The following CADPS2 variants were observed in gnomAD, a reference collection of about 807,000 sequenced individuals.
CADPS2 encodes calcium dependent secretion activator 2, also known as calcium-dependent secretion activator 2.
A neutral mutation model predicts 172.5 loss-of-function variants in CADPS2; 93 were observed. That is an observed-to-expected ratio of 0.54 (90% CI 0.46 to 0.64). The LOEUF (loss-of-function observed/expected upper bound fraction) is 0.64. Among genes scored for constraint, CADPS2 ranks in the 30% least tolerant of loss-of-function variants. The probability of loss-of-function intolerance (pLI) is 0.00; values close to 1 mark genes in which losing one functional copy is unlikely to be tolerated. For missense variants in CADPS2, 1,420 were observed against 1,565.9 expected, an observed-to-expected ratio of 0.91 and a Z score of 1.57; for synonymous variants, 546 against 555.2, an observed-to-expected ratio of 0.98 and a Z score of 0.23.
intron 1 of CADPS2, among the ~76,000 whole-genome samples, chr7:122,795,769 A>C (rs577472808): frequency 2.0e-4 from 31 of 152,268 alleles, no homozygotes; most frequent in Admixed American, 7.2e-4. Context: ...AATGGGCAAA[A>C]GCTGGAAGCA....
chr7:122,664,519 T>A (rs901266565), intron 2 of CADPS2, among the ~76,000 whole-genome samples: 1 of 152,162 alleles, frequency 6.6e-6, no homozygotes, highest in Non-Finnish European at 1.5e-5. Flanking sequence ...AAGGTCATAT[T>A]TGGGAAGAGA....
At chr7:122,751,606 C>T (rs1365392780) in intron 1 of CADPS2, among the ~76,000 whole-genome samples, 1 of 152,110 alleles carries the variant, frequency 6.6e-6, no homozygotes, top group African/African-American at 2.4e-5. Context: ...TTCAAACAAA[C>T]ATGAAAAGGG....
chr7:122,346,928 G>T (rs914489856), intron 27 of CADPS2, among the ~76,000 whole-genome samples: 1 of 152,140 alleles, frequency 6.6e-6, no homozygotes, highest in Admixed American at 6.5e-5. Context: ...TTGAGTTGTT[G>T]ATTAGAGTAT....
chr7:122,747,613 G>GT (rs1048195846), intron 1 of CADPS2, among the ~76,000 whole-genome samples: 2 of 152,178 alleles, frequency 1.3e-5, no homozygotes, highest in African/African-American at 2.4e-5. Context: ...TGGGTTCAAT[G>GT]TTTTTTTCCA....
rs550040037 is a variant in CADPS2, at chr7:122,392,464, T to C, written c.3008+732A>G. On this transcript the variant is annotated intron_variant, in intron 22 of 29. Coordinates refer to ENST00000449022, the MANE Select transcript of CADPS2 (RefSeq NM_017954.11). Reference sequence around the variant, plus strand: ...ATTGTTTTAGAGTTGAGGAAAAAACTCAGGCTAAGAAGGATTTACAATTAA... The same window carrying C: ...ATTGTTTTAGAGTTGAGGAAAAAACCCAGGCTAAGAAGGATTTACAATTAA... Among the ~76,000 whole-genome samples, 4 of 152,048 alleles carry C rather than the reference T, an allele frequency of 2.6e-5. No individual in the cohort carries two copies. In the South Asian group the frequency reaches 8.3e-4, roughly 32 times the overall value.
intron 14 of CADPS2, among the ~76,000 whole-genome samples, chr7:122,455,549 T>A (rs191974219): frequency 5.3e-5 from 8 of 152,162 alleles, no homozygotes; most frequent in African/African-American, 1.9e-4. Flanking sequence ...GATGGCATAT[T>A]GTTGATATTT....
chr7:122,720,139 C>A (rs528190061), intron 2 of CADPS2, among the ~76,000 whole-genome samples: 1 of 151,916 alleles, frequency 6.6e-6, no homozygotes, highest in Non-Finnish European at 1.5e-5. Flanking sequence ...ACCAATAGAA[C>A]GTCATACTAA....
intron 1 of CADPS2, among the ~76,000 whole-genome samples, chr7:122,873,106 C>T (rs1820213734): frequency 6.6e-6 from 1 of 152,120 alleles, no homozygotes; most frequent in Admixed American, 6.6e-5. Flanking sequence ...GAAAGTAAAA[C>T]CCACCTACTG....
At position 122,552,775 on chromosome 7, in the gene CADPS2, GTT is replaced by G. The variant is rs61517518; in HGVS notation, c.1475+1773_1475+1774del. 7.5e-3 allele frequency among the ~76,000 whole-genome samples: 1,030 copies of G among 137,050 alleles called. 9 individuals are homozygous for G. The highest frequency in any genetic ancestry group is 0.02 in the Middle Eastern group (5 of 254). The allele number at this position is 137,050 out of a possible 152,430, so 89.9% of individuals were successfully genotyped here. On this transcript the variant is annotated intron_variant, in intron 8 of 29. Transcript: ENST00000449022. The stretch of plus-strand genomic sequence containing the variant: ...CATCTCGGCACTATGATAGGTTCCT[GTT>G]TTTTTTTTTTTTTTTTATTATTGTG...
At chr7:122,539,740 CCT>C (rs903304332) in intron 8 of CADPS2, among the ~76,000 whole-genome samples, 1 of 60,012 alleles carries the variant, frequency 1.7e-5, no homozygotes, top group Non-Finnish European at 3.2e-5. Flanking sequence ...CCTGTCTGTC[CCT>C]CTCTCTCTGT....
intron 1 of CADPS2, among the ~76,000 whole-genome samples, chr7:122,777,845 C>T (rs954680129): frequency 5.9e-5 from 9 of 152,186 alleles, no homozygotes; most frequent in East Asian, 1.9e-4. Context: ...CCCAGTCTCA[C>T]GTATGTCTTT....
intron 6 of CADPS2, among the ~76,000 whole-genome samples, chr7:122,587,843 GTTCCTAT>G: frequency 6.6e-6 from 1 of 152,156 alleles, no homozygotes; most frequent in South Asian, 2.1e-4. Flanking sequence ...GTGTAAAAGT[GTTCCTAT>G]TTCTCTGCAA....
chr7:122,733,905 C>A (rs1255789801), intron 2 of CADPS2, among the ~76,000 whole-genome samples: 2 of 152,038 alleles, frequency 1.3e-5, no homozygotes, highest in Non-Finnish European at 2.9e-5. Context: ...CACATCACTG[C>A]ACTCTAGTCG....
chr7:122,538,132 T>C (rs1456142317), intron 8 of CADPS2, among the ~76,000 whole-genome samples: 2 of 99,726 alleles, frequency 2.0e-5, no homozygotes, highest in East Asian at 4.9e-4. Context: ...AAAATCCCAC[T>C]TATACAAATT....
intron 1 of CADPS2, among the ~76,000 whole-genome samples, chr7:122,832,146 C>T (rs1024590466): frequency 1.2e-4 from 18 of 152,122 alleles, no homozygotes; most frequent in African/African-American, 4.1e-4. Flanking sequence ...ATTCTAGTCT[C>T]ATGGTGAACA....
intron 2 of CADPS2, among the ~76,000 whole-genome samples, chr7:122,727,492 AAG>A (rs1562868877): frequency 6.6e-6 from 1 of 151,608 alleles, no homozygotes. Flanking sequence ...AGCAGAAGAA[AAG>A]AGAATGAAGA....
intron 3 of CADPS2, among the ~76,000 whole-genome samples, chr7:122,646,012 C>G (rs916691636): frequency 9.2e-5 from 14 of 151,716 alleles, no homozygotes; most frequent in Non-Finnish European, 1.8e-4. Flanking sequence ...GTGAATAATG[C>G]TGAGATTAAA....
intron 28 of CADPS2, chr7:122,332,169 A>T (rs908415834): frequency 6.6e-6 from 1 of 152,208 alleles, no homozygotes; most frequent in Non-Finnish European, 1.5e-5. Flanking sequence ...TACAATGTAA[A>T]TAAATTCTTT....
chr7:122,867,288 G>A (rs540562015), intron 1 of CADPS2, among the ~76,000 whole-genome samples: 1 of 152,120 alleles, frequency 6.6e-6, no homozygotes, highest in East Asian at 1.9e-4. Context: ...TAAAATAGGG[G>A]GCTCCTGACT....
Sources: allele counts gnomAD v4.1 joint callset (sites outside exome capture counted in the v4.1 genomes callset), GRCh38; gene constraint gnomAD v4.1.1; transcripts MANE v1.5; gene names NCBI Gene and HGNC (gene_info 2026-07-23, HGNC 2026-07-21).